Variants in ELMOD1 observed in about 807,000 individuals in gnomAD.
The protein encoded by ELMOD1 is ELMO domain containing 1, also known as ELMO domain-containing protein 1.
A neutral mutation model predicts 46.7 loss-of-function variants in ELMOD1; 21 were observed. The ratio of observed to expected loss-of-function variants is 0.45; its 90% confidence interval spans 0.32 to 0.65. The LOEUF (loss-of-function observed/expected upper bound fraction) is 0.65, where lower values mean the gene tolerates loss of function less well. Among genes scored for constraint, ELMOD1 ranks in the 30% least tolerant of loss-of-function variants. The pLI is 0.04. For missense variants in ELMOD1, 348 were observed against 407.8 expected, an observed-to-expected ratio of 0.85 and a Z score of 1.26; for synonymous variants, 122 against 138.2, an observed-to-expected ratio of 0.88 and a Z score of 0.82.
chr11:107,609,443 CT>C (rs1865740180), intron 1 of ELMOD1, among the ~76,000 whole-genome samples: 1 of 152,216 alleles, frequency 6.6e-6, no homozygotes, highest in Admixed American at 6.5e-5. Flanking sequence ...CAGAAAGTAG[CT>C]TTCTTTGTCT....
intron 1 of ELMOD1, among the ~76,000 whole-genome samples, chr11:107,606,027 T>C (rs1192610786): frequency 6.6e-6 from 1 of 152,274 alleles, no homozygotes; most frequent in East Asian, 1.9e-4. Context: ...CTTAGAAAAT[T>C]TTCTTTTTCT....
intron 9 of ELMOD1, among the ~76,000 whole-genome samples, chr11:107,652,926 TTAGA>T (rs1023732681): frequency 5.9e-5 from 9 of 152,214 alleles, no homozygotes; most frequent in East Asian, 1.9e-4. Context: ...TTTCTTCTAG[TTAGA>T]TAGAGAGAAA....
At chr11:107,654,513 T>C (rs1442647622) in intron 10 of ELMOD1, among the ~76,000 whole-genome samples, 1 of 152,164 alleles carries the variant, frequency 6.6e-6, no homozygotes, top group Non-Finnish European at 1.5e-5. Context: ...CTCACGCCTG[T>C]AATCCCAGCA....
rs1866824135 is a variant in ELMOD1, at chr11:107,665,293, G to A, written c.*96G>A. 5 of 1,192,602 alleles carry A rather than the reference G, an allele frequency of 4.2e-6. No individual in the cohort carries two copies. Among genetic ancestry groups the A allele is most frequent in the Non-Finnish European group, 4.8e-6 (4 of 834,460 alleles). 73.9% of individuals were successfully genotyped at this position (1,192,602 alleles called of 1,614,324 possible). ...GCAGCTCACGCATTGAATGCACACA[G>A]TGATTGTATGCATGCCTTTTGGTAC... is the stretch of plus-strand genomic sequence containing the variant. On this transcript the variant is annotated 3_prime_UTR_variant, in exon 12 of 12. Coordinates refer to ENST00000265840, the MANE Select transcript of ELMOD1 (RefSeq NM_018712.4).
intron 11 of ELMOD1, among the ~76,000 whole-genome samples, chr11:107,663,496 TAAAAA>T (rs34343554): frequency 6.9e-6 from 1 of 144,092 alleles, no homozygotes; most frequent in Non-Finnish European, 1.5e-5. Context: ...TTAATAAACT[TAAAAA>T]AAAAAAAGAA....
Position 107,665,366 on chromosome 11 carries a change from G to C in ELMOD1, c.*169G>C. On this transcript the variant is annotated 3_prime_UTR_variant, in exon 12 of 12. Transcript: ENST00000265840. ...AATTCCGAGATCCCCAGAGACCACT[G>C]TTTCTGGAGTATCTGTCATCCAGTG... 1.5e-6 allele frequency: 1 copy of C among 664,864 alleles called. No homozygotes were observed. Among genetic ancestry groups the C allele is most frequent in the Non-Finnish European group, 2.5e-6 (1 of 400,850 alleles). 41.2% of individuals were successfully genotyped at this position (664,864 alleles called of 1,614,324 possible).
intron 6 of ELMOD1, among the ~76,000 whole-genome samples, chr11:107,646,595 TGTG>T (rs1260866534): frequency 1.3e-5 from 2 of 151,846 alleles, no homozygotes; most frequent in African/African-American, 2.4e-5. Context: ...ATCAGCCAGG[TGTG>T]GTGGTGCATG....
At chr11:107,629,068 G>A (rs1250059779) in intron 2 of ELMOD1, among the ~76,000 whole-genome samples, 1 of 152,122 alleles carries the variant, frequency 6.6e-6, no homozygotes, top group Admixed American at 6.5e-5. Context: ...TTATCTCAGT[G>A]CAGCAGCTTG....
chr11:107,622,302 C>T (rs1448218785), intron 2 of ELMOD1, among the ~76,000 whole-genome samples: 1 of 152,060 alleles, frequency 6.6e-6, no homozygotes, highest in East Asian at 1.9e-4. Flanking sequence ...ACTAGTGGTC[C>T]AAGTTTGTTA....
At chr11:107,663,851 C>T in intron 11 of ELMOD1, among the ~76,000 whole-genome samples, 1 of 152,128 alleles carries the variant, frequency 6.6e-6, no homozygotes, top group East Asian at 1.9e-4. Flanking sequence ...TCCCCTTCCC[C>T]ATTTTCATTT....
At chr11:107,597,441 C>T (rs1865510887) in intron 1 of ELMOD1, among the ~76,000 whole-genome samples, 1 of 152,070 alleles carries the variant, frequency 6.6e-6, no homozygotes, top group Non-Finnish European at 1.5e-5. Flanking sequence ...AAATAGAGCC[C>T]AGATCTAAGA....
chr11:107,608,768 A>G (rs1446025321), intron 1 of ELMOD1, among the ~76,000 whole-genome samples: 1 of 152,196 alleles, frequency 6.6e-6, no homozygotes, highest in Non-Finnish European at 1.5e-5. Context: ...TTTCAGTGGC[A>G]GGGTAACTGT....
chr11:107,663,702 A>G (rs1470333401), intron 11 of ELMOD1, among the ~76,000 whole-genome samples: 1 of 152,242 alleles, frequency 6.6e-6, no homozygotes, highest in Non-Finnish European at 1.5e-5. Flanking sequence ...AAAATAAAAT[A>G]TGAGTAAAGA....
At chr11:107,638,521 A>G (rs1475324202) in intron 6 of ELMOD1, among the ~76,000 whole-genome samples, 1 of 152,190 alleles carries the variant, frequency 6.6e-6, no homozygotes, top group Admixed American at 6.5e-5. Flanking sequence ...TTGAGAAACA[A>G]ACCACATCTT....
At chr11:107,655,003 T>C (rs1377476557) in intron 10 of ELMOD1, among the ~76,000 whole-genome samples, 1 of 152,154 alleles carries the variant, frequency 6.6e-6, no homozygotes, top group Non-Finnish European at 1.5e-5. Flanking sequence ...CTAGAAAATA[T>C]ACACTGTGTT....
chr11:107,601,835 T>C (rs1023564646), intron 1 of ELMOD1, among the ~76,000 whole-genome samples: 1 of 152,230 alleles, frequency 6.6e-6, no homozygotes, highest in African/African-American at 2.4e-5. Flanking sequence ...AAATAATCTG[T>C]CAGTTCCAGT....
In ELMOD1 at chr11:107,665,138, A is replaced by G; in HGVS notation, c.946A>G (p.Asn316Asp). 1.2e-6 allele frequency: 2 copies of G among 1,614,006 alleles called. No individual in the cohort carries two copies. The highest frequency in any genetic ancestry group is 1.7e-6 in the Non-Finnish European group (2 of 1,179,892). Residue 316 changes from asparagine (N) to aspartate (D), a missense_variant, in exon 12 of 12, where the codon AAC becomes GAC. Transcript: ENST00000265840. ...CAAGAGGATCATCAAACAGCTGCAG[A>G]ACCCAGACATGGCGCTGTGCCCACA... ...FRKRIIKQLQ[N>D]PDMALCPHFA...
intron 2 of ELMOD1, chr11:107,625,594 T>G: frequency 1.0e-6 from 1 of 983,282 alleles, no homozygotes; most frequent in African/African-American, 1.7e-5. Flanking sequence ...ATTTCCTGTT[T>G]TGAAAGCCCC....
At chr11:107,608,424 G>C (rs909346121) in intron 1 of ELMOD1, among the ~76,000 whole-genome samples, 1 of 152,064 alleles carries the variant, frequency 6.6e-6, no homozygotes, top group African/African-American at 2.4e-5. Context: ...AGCATGCAGA[G>C]GTAGACTGAA....
Sources: gnomAD v4.1 joint callset for allele counts (sites outside exome capture counted in the v4.1 genomes callset) on GRCh38, gnomAD v4.1.1 for gene constraint, MANE v1.5 for transcripts, NCBI Gene and HGNC (gene_info 2026-07-23, HGNC 2026-07-21) for gene names.